The following EBF3 variants were observed in gnomAD, a reference collection of about 807,000 sequenced individuals.
EBF3 encodes transcription factor COE3.
In EBF3, 18 loss-of-function variants were observed where a neutral mutation model predicts 77.1. The ratio of observed to expected loss-of-function variants is 0.23; its 90% CI spans 0.16 to 0.35. EBF3 has a LOEUF of 0.35. EBF3 is among the 10% of genes least tolerant of loss of function. EBF3 has a pLI of 1.00. For synonymous variants in EBF3, 350 were observed against 343.5 expected (o/e 1.02, Z -0.21); for missense variants, 558 against 860.0 (o/e 0.65, Z 4.39).
In EBF3 at chr10:129,836,302, C is replaced by CTT. The variant is rs1401369919; in HGVS notation, c.*1639_*1640dup. 2.6e-5 allele frequency: 4 copies of CTT among 152,496 alleles called. No individual in the cohort carries two copies. The highest frequency in any genetic ancestry group is 5.9e-5 in the Non-Finnish European group (4 of 68,014). The allele number at this position is 152,496 out of a possible 1,614,324, so 9.4% of individuals were successfully genotyped here. On this transcript the variant is annotated 3_prime_UTR_variant, in exon 17 of 17. Coordinates refer to ENST00000440978, the MANE Select transcript of EBF3 (RefSeq NM_001375380.1). The stretch of plus-strand genomic sequence containing the variant: ...CATCAGAAGTAAATTTTATTTTAAA[C>CTT]TTTAGGCCTCTGAATTTTTCCAGTA...
At position 129,957,306 on chromosome 10, in the gene EBF3, CT is replaced by C; in HGVS notation, c.505del (p.Ser169ValfsTer13). 6.2e-7 allele frequency: 1 copy of C among 1,609,694 alleles called. No individual in the cohort carries two copies. Among genetic ancestry groups the C allele is most frequent in the South Asian group, 1.1e-5 (1 of 90,460 alleles). On this transcript the variant is annotated frameshift_variant, in exon 6 of 17. Transcript: ENST00000440978. LOFTEE classifies it high-confidence loss of function. Reference sequence around the variant, plus strand: ...GGGCGTTTCGTTTCTATTGCCACAACTTTTCTTGTCACAGCACCGGCTGTGG... The same window carrying C: ...GGGCGTTTCGTTTCTATTGCCACAACTTTCTTGTCACAGCACCGGCTGTGG... ...IMCSRCCDKK[S>X]CGNRNETPSD...
Position 129,874,143 on chromosome 10 carries a change from CT to C in EBF3, c.637-548del, listed in dbSNP as rs1451855511. ...ATTACATTTAATGTCTGGTAATGAACTTTTTTTCATCTGAAAAGACTGAGTT... is the reference window on the plus strand; with the variant it reads ...ATTACATTTAATGTCTGGTAATGAACTTTTTTCATCTGAAAAGACTGAGTT... On this transcript the variant is annotated intron_variant, in intron 7 of 16. Coordinates refer to ENST00000440978, the MANE Select transcript of EBF3 (RefSeq NM_001375380.1). Among the ~76,000 whole-genome samples, 5 of 152,144 alleles carry C rather than the reference CT, an allele frequency of 3.3e-5. No homozygotes were observed. The East Asian group carries it at 9.6e-4, about 29-fold the overall frequency.
chr10:129,871,874 AG>A (rs1852429982), intron 8 of EBF3, among the ~76,000 whole-genome samples: 1 of 152,192 alleles, frequency 6.6e-6, no homozygotes, highest in African/African-American at 2.4e-5. Context: ...ATCTCTTGCA[AG>A]GAACTGACTT....
rs117967227 is a variant in EBF3, at chr10:129,961,469, G to A, written c.411+702C>T. 7.7e-4 allele frequency among the ~76,000 whole-genome samples: 118 copies of A among 152,332 alleles called. 1 individual carries two copies. The East Asian group carries it at 0.019, about 24-fold the overall frequency. On this transcript the variant is annotated intron_variant, in intron 4 of 16. Coordinates refer to ENST00000440978, the MANE Select transcript of EBF3 (RefSeq NM_001375380.1). ...TCTCCACTTAATCACATTACTGATA[G>A]CCAATAGTTATCATCGGAAAAGTTG...
rs1020612194 is a variant in EBF3, at chr10:129,879,775, C to T, written c.555-1926G>A. On this transcript the variant is annotated intron_variant, in intron 6 of 16. Transcript: ENST00000440978. This position sits in a 1 kb window ranked among gnomAD's most constrained non-coding sequence, Gnocchi z 4.7. ...ACGTTCCGCAGCGAGGTAAATGAGG[C>T]GCACCTGCGGCCACACTGCATTTGA... Among the ~76,000 whole-genome samples the T allele has an allele frequency of 2.6e-5, 4 of 152,222 alleles. No individual in the cohort carries two copies. Among genetic ancestry groups the T allele is most frequent in the Admixed American group, 2.0e-4 (3 of 15,282 alleles).
At chr10:129,931,351 T>C (rs1857014887) in intron 6 of EBF3, among the ~76,000 whole-genome samples, 1 of 152,226 alleles carries the variant, frequency 6.6e-6, no homozygotes, top group Non-Finnish European at 1.5e-5. Flanking sequence ...TCCAAGTGCA[T>C]CTTGGTACCA....
chr10:129,890,346 G>A (rs537423408), intron 6 of EBF3, among the ~76,000 whole-genome samples: 100 of 152,294 alleles, frequency 6.6e-4, no homozygotes, highest in Admixed American at 1.4e-3. Context: ...GGCCAGCATC[G>A]AGATCCCAGG....
rs575732006 is a variant in EBF3, at chr10:129,911,625, T to C, written c.555-33776A>G. ...GGTGGGCACGGGATGGGAAGAGGGG[T>C]GAGGAGGGGCTGGGGGCTGCTGCTG... On this transcript the variant is annotated intron_variant, in intron 6 of 16. Coordinates refer to ENST00000440978, the MANE Select transcript of EBF3 (RefSeq NM_001375380.1). Among the ~76,000 whole-genome samples the C allele has an allele frequency of 9.9e-5, 15 of 151,266 alleles. No individual in the cohort carries two copies. The East Asian group carries it at 2.9e-3, about 30-fold the overall frequency.
At chr10:129,858,202 C>T (rs775992142) in intron 10 of EBF3, among the ~76,000 whole-genome samples, 3 of 152,180 alleles carry the variant, frequency 2.0e-5, no homozygotes, top group Non-Finnish European at 4.4e-5. Context: ...AGCTGCAGCC[C>T]AATACCCTCC....
At chr10:129,951,465 C>A (rs1401721954) in intron 6 of EBF3, among the ~76,000 whole-genome samples, 1 of 152,274 alleles carries the variant, frequency 6.6e-6, no homozygotes, top group African/African-American at 2.4e-5. Context: ...CATGCTGCTG[C>A]AGGGCCTGGG....
At chr10:129,874,855 G>A (rs1426465949) in intron 7 of EBF3, among the ~76,000 whole-genome samples, 2 of 152,156 alleles carry the variant, frequency 1.3e-5, no homozygotes, top group Non-Finnish European at 2.9e-5. Context: ...TTAGTGAATC[G>A]CGACACATCA....
chr10:129,877,105 C>A (rs1218719090), intron 7 of EBF3, among the ~76,000 whole-genome samples: 2 of 152,090 alleles, frequency 1.3e-5, no homozygotes, highest in Non-Finnish European at 2.9e-5. Context: ...GCAGATCCCT[C>A]TATGAGGAGG....
Position 129,879,312 on chromosome 10 carries a change from G to T in EBF3, c.555-1463C>A, listed in dbSNP as rs1223479445. Among the ~76,000 whole-genome samples, 1 of 152,162 alleles carries T rather than the reference G, an allele frequency of 6.6e-6. No individual in the cohort carries two copies. The highest frequency in any genetic ancestry group is 1.5e-5 in the Non-Finnish European group (1 of 68,048). On this transcript the variant is annotated intron_variant, in intron 6 of 16. Transcript: ENST00000440978. The surrounding 1 kb of genome is among the most constrained non-coding windows in gnomAD (Gnocchi z 4.7). Reference sequence around the variant, plus strand: ...GTGGCCAAGCATCCTGTCCAGCAAGGTCATCAACACAAACCTTTCTCTACT... The same window carrying T: ...GTGGCCAAGCATCCTGTCCAGCAAGTTCATCAACACAAACCTTTCTCTACT...
At chr10:129,873,319 A>G (rs2134107132) in intron 8 of EBF3, 133 bp downstream of exon 8, 1 of 1,105,418 alleles carries the variant, frequency 9.0e-7, no homozygotes, top group Non-Finnish European at 1.2e-6. Context: ...ACACCCCCTC[A>G]TCCTGCCTTG....
chr10:129,963,280 A>T lies in EBF3; in HGVS notation c.291+87T>A. The T allele has an allele frequency of 6.6e-7, 1 of 1,525,666 alleles. No individual in the cohort carries two copies. The highest frequency in any genetic ancestry group is 1.4e-5 in the African/African-American group (1 of 69,642). 94.5% of individuals were successfully genotyped at this position (1,525,666 alleles called of 1,614,324 possible). A position where few individuals can be genotyped will look rare whatever the true frequency, so the allele number is the denominator to read the frequency against. On this transcript the variant is annotated intron_variant, in intron 2 of 16. Coordinates refer to ENST00000440978, the MANE Select transcript of EBF3 (RefSeq NM_001375380.1). The surrounding 1 kb of genome is among the most constrained non-coding windows in gnomAD (Gnocchi z 7.1). ...CCTGGCGGAGCCGAGCCCGCCGCCT[A>T]GGGGGGCACTCGAACCCCCGCGCAC...
At chr10:129,872,174 T>G (rs1334520358) in intron 8 of EBF3, among the ~76,000 whole-genome samples, 3 of 152,122 alleles carry the variant, frequency 2.0e-5, no homozygotes, top group African/African-American at 7.2e-5. Context: ...GCGTGAAAGC[T>G]CCACTCTCTA....
intron 6 of EBF3, among the ~76,000 whole-genome samples, chr10:129,942,021 G>A (rs151251921): frequency 3.8e-3 from 583 of 152,222 alleles, no homozygotes; most frequent in Middle Eastern, 0.01. Context: ...AAAAGCAGTG[G>A]CCCAAGCTGT....
At chr10:129,920,793 T>C (rs934968583) in intron 6 of EBF3, among the ~76,000 whole-genome samples, 2 of 152,206 alleles carry the variant, frequency 1.3e-5, no homozygotes, top group African/African-American at 4.8e-5. Flanking sequence ...AGGACCATGA[T>C]GGCTGGTGGT....
chr10:129,915,757 C>T (rs1039416753), intron 6 of EBF3, among the ~76,000 whole-genome samples: 4 of 152,180 alleles, frequency 2.6e-5, no homozygotes, highest in Admixed American at 6.5e-5. Flanking sequence ...CGCCCGATGC[C>T]GGCTTGTGCT....
Sources: gnomAD v4.1 joint callset for allele counts (sites outside exome capture counted in the v4.1 genomes callset) on GRCh38, gnomAD v4.1.1 for gene constraint, Gnocchi (gnomAD v3.1) non-coding constraint, MANE v1.5 for transcripts, NCBI Gene and HGNC (gene_info 2026-07-23, HGNC 2026-07-21) for gene names.